The following CUBN variants were observed in gnomAD, a reference collection of about 807,000 sequenced individuals.
The protein encoded by CUBN is 460 kDa receptor.
Under a neutral mutation model 405.3 loss-of-function variants are expected in CUBN, and 282 were observed. That is an observed-to-expected ratio of 0.70 (90% confidence interval 0.63 to 0.77). The LOEUF (loss-of-function observed/expected upper bound fraction) is 0.77. Among genes scored for constraint, CUBN ranks in the 30% least tolerant of loss-of-function variants. The pLI is 0.00. For synonymous variants in CUBN, 1,684 were observed against 1,617.0 expected (o/e 1.04, Z -0.99); for missense variants, 4,514 against 4,475.2 (o/e 1.01, Z -0.25).
At chr10:16,970,700 T>G (rs1564454165) in intron 31 of CUBN, among the ~76,000 whole-genome samples, 1 of 152,236 alleles carries the variant, frequency 6.6e-6, no homozygotes, top group East Asian at 1.9e-4. Context: ...ACCAAAATAC[T>G]TATTCACTTC....
intron 14 of CUBN, among the ~76,000 whole-genome samples, chr10:17,096,737 T>C (rs932004839): frequency 2.6e-5 from 4 of 152,066 alleles, no homozygotes; most frequent in African/African-American, 9.6e-5. Context: ...TGCACCAAAA[T>C]AGACTTTGGT....
intron 45 of CUBN, among the ~76,000 whole-genome samples, 169 bp downstream of exon 45, chr10:16,918,453 G>A (rs1446594478): frequency 6.6e-6 from 1 of 151,992 alleles, no homozygotes; most frequent in Non-Finnish European, 1.5e-5. Context: ...TGATAGGGTG[G>A]AGGGTGGGAG....
At chr10:17,071,729 A>T in intron 18 of CUBN, 98 bp downstream of exon 18, 2 of 1,497,310 alleles carry the variant, frequency 1.3e-6, no homozygotes, top group Non-Finnish European at 1.8e-6. Flanking sequence ...AATATTTTCC[A>T]CTTAACACTT....
Position 16,984,288 on chromosome 10 carries a change from G to T in CUBN, c.4351-9C>A. The T allele has an allele frequency of 6.2e-7, 1 of 1,613,528 alleles. No homozygotes were observed. The highest frequency in any genetic ancestry group is 8.5e-7 in the Non-Finnish European group (1 of 1,179,518). On this transcript the variant is annotated splice_polypyrimidine_tract_variant and intron_variant, in intron 29 of 66. Coordinates refer to ENST00000377833, the MANE Select transcript of CUBN (RefSeq NM_001081.4). ...TCGGGGCCTCCATAGATCTAACATGGGATGTAGGAAAAAAGACTTTAAAAA... is the reference window on the plus strand; with the variant it reads ...TCGGGGCCTCCATAGATCTAACATGTGATGTAGGAAAAAAGACTTTAAAAA...
At chr10:16,928,581 G>A (rs1210151361) in intron 40 of CUBN, among the ~76,000 whole-genome samples, 5 of 144,126 alleles carry the variant, frequency 3.5e-5, no homozygotes, top group Admixed American at 7.2e-5. Context: ...GCAGGCTGGA[G>A]TGCAGTGGCA....
At chr10:17,013,522 T>G (rs1242003942) in intron 28 of CUBN, among the ~76,000 whole-genome samples, 5 of 152,192 alleles carry the variant, frequency 3.3e-5, no homozygotes, top group East Asian at 1.9e-4. Context: ...TTCCCCTTTT[T>G]GATGGCTTCA....
Position 17,013,266 on chromosome 10 carries a change from C to T in CUBN, c.4168+6567G>A, listed in dbSNP as rs1834232655. Among the ~76,000 whole-genome samples, 6 of 151,494 alleles carry T rather than the reference C, an allele frequency of 4.0e-5. No individual in the cohort carries two copies. The South Asian group carries it at 1.3e-3, about 32-fold the overall frequency. On this transcript the variant is annotated intron_variant, in intron 28 of 66. Transcript: ENST00000377833. ...CTCTCTGACTTTCTCTCTGTCTCTT[C>T]CTGTCTCCTTCTTTTGACTTCCTAT...
chr10:17,101,274 G>GA (rs1269609242), intron 13 of CUBN, among the ~76,000 whole-genome samples: 3 of 151,670 alleles, frequency 2.0e-5, no homozygotes, highest in Non-Finnish European at 2.9e-5. Flanking sequence ...CAATAATCAA[G>GA]AAAAAAACAA....
At chr10:16,900,079 T>G (rs139111265) in intron 53 of CUBN, among the ~76,000 whole-genome samples, 1 of 152,366 alleles carries the variant, frequency 6.6e-6, no homozygotes, top group Non-Finnish European at 1.5e-5. Flanking sequence ...ACAGCATTTG[T>G]TCTAAATTAC....
Position 16,918,758 on chromosome 10 carries a change from C to T in CUBN, c.6864G>A (p.Ser2288=), listed in dbSNP as rs749868712. The stretch of plus-strand genomic sequence containing the variant: ...AAAATTTGGAAAGTATTGGTGCATC[C>T]GAATCCACTCCATCCCGCAACTCAA... ...NYLELRDGVD[S]DAPILSKFCG... Residue 2288 remains serine (S), a synonymous_variant, in exon 45 of 67, where the codon TCG becomes TCA. Coordinates refer to ENST00000377833, the MANE Select transcript of CUBN (RefSeq NM_001081.4). 49 of 1,613,834 alleles carry T rather than the reference C, an allele frequency of 3.0e-5. No individual in the cohort carries two copies. The highest frequency in any genetic ancestry group is 2.0e-4 in the Admixed American group (12 of 59,996).
At position 16,928,307 on chromosome 10, in the gene CUBN, C is replaced by T. The variant is rs377588767; in HGVS notation, c.6125-4G>A. On this transcript the variant is annotated splice_region_variant and splice_polypyrimidine_tract_variant and intron_variant, in intron 40 of 66. Transcript: ENST00000377833. The stretch of plus-strand genomic sequence containing the variant: ...TGCTGGGCCAAGTTATTATCTCCTA[C>T]GTTGAAAGAAAGGGAACAACATGAA... 2.4e-5 allele frequency: 39 copies of T among 1,613,436 alleles called. No individual in the cohort carries two copies. The highest frequency in any genetic ancestry group is 3.3e-5 in the Admixed American group (2 of 59,940).
intron 31 of CUBN, among the ~76,000 whole-genome samples, chr10:16,969,811 T>A (rs920709175): frequency 2.0e-5 from 3 of 152,296 alleles, no homozygotes; most frequent in African/African-American, 7.2e-5. Context: ...CTTTCTATTG[T>A]ATTCCCAGAA....
intron 64 of CUBN, 49 bp from the exon 65 acceptor site, chr10:16,831,466 G>T (rs1404223428): frequency 8.8e-6 from 13 of 1,470,496 alleles, no homozygotes; most frequent in Admixed American, 3.3e-5. Flanking sequence ...CTTCTCTAAG[G>T]TATATACATT....
chr10:17,103,017 T>C (rs2131299496), intron 13 of CUBN, 108 bp downstream of exon 13: 3 of 760,354 alleles, frequency 3.9e-6, no homozygotes, highest in Admixed American at 2.0e-5. Context: ...ACTCAATATA[T>C]GATAGTTGAA....
intron 19 of CUBN, among the ~76,000 whole-genome samples, chr10:17,069,135 T>G (rs1008918816): frequency 2.0e-5 from 3 of 152,210 alleles, no homozygotes; most frequent in Non-Finnish European, 4.4e-5. Flanking sequence ...TTCATTCTTT[T>G]TTAATGCCTT....
At chr10:17,094,315 T>C (rs1460475492) in intron 14 of CUBN, among the ~76,000 whole-genome samples, 1 of 152,076 alleles carries the variant, frequency 6.6e-6, no homozygotes, top group African/African-American at 2.4e-5. Context: ...ATTCTATGTG[T>C]AATAATATCC....
At chr10:17,096,343 G>A (rs759821072) in intron 14 of CUBN, among the ~76,000 whole-genome samples, 1 of 151,956 alleles carries the variant, frequency 6.6e-6, no homozygotes, top group Non-Finnish European at 1.5e-5. Context: ...TTACATTGTG[G>A]TAATCATTTC....
In CUBN at chr10:16,824,685, T is replaced by C. The variant is rs1437865542; in HGVS notation, c.*290A>G. 3.1e-5 allele frequency: 11 copies of C among 358,944 alleles called. No individual in the cohort carries two copies. Among genetic ancestry groups the C allele is most frequent in the Non-Finnish European group, 5.5e-5 (10 of 183,074 alleles). The allele number at this position is 358,944 out of a possible 1,614,324, so 22.2% of individuals were successfully genotyped here. On this transcript the variant is annotated 3_prime_UTR_variant, in exon 67 of 67. Transcript: ENST00000377833. ...ACAGGCACCCACCACCACGCCTGGCTAATTATTATATTGTTAGAGAGATGA... is the reference window on the plus strand; with the variant it reads ...ACAGGCACCCACCACCACGCCTGGCCAATTATTATATTGTTAGAGAGATGA...
intron 31 of CUBN, among the ~76,000 whole-genome samples, chr10:16,981,006 G>C (rs952042474): frequency 7.2e-5 from 11 of 152,000 alleles, no homozygotes; most frequent in Non-Finnish European, 1.2e-4. Flanking sequence ...GGGCCAGAAG[G>C]CAGGAAAATG....
Sources: gnomAD v4.1 joint callset for allele counts (sites outside exome capture counted in the v4.1 genomes callset) on GRCh38, gnomAD v4.1.1 for gene constraint, MANE v1.5 for transcripts, NCBI Gene and HGNC (gene_info 2026-07-23, HGNC 2026-07-21) for gene names.